The following CSMD1 variants were observed in gnomAD, a reference collection of about 807,000 sequenced individuals.
CSMD1 encodes the protein CUB and Sushi multiple domains 1, also known as CUB and sushi domain-containing protein 1.
A neutral mutation model predicts 417.5 loss-of-function variants in CSMD1; 213 were observed. The observed-to-expected ratio is 0.51, with a 90% CI of 0.46 to 0.57. The LOEUF is 0.57. Among genes scored for constraint, CSMD1 ranks in the 20% least tolerant of loss-of-function variants. CSMD1 has a pLI of 0.00. For missense variants in CSMD1, 6,923 were observed against 4,529.7 expected, an observed-to-expected ratio of 1.53 and a Z score of -15.17; for synonymous variants, 2,862 against 1,736.8, an observed-to-expected ratio of 1.65 and a Z score of -16.11.
At chr8:4,790,899 T>A (rs903975910) in intron 1 of CSMD1, among the ~76,000 whole-genome samples, 1 of 152,072 alleles carries the variant, frequency 6.6e-6, no homozygotes, top group African/African-American at 2.4e-5. Flanking sequence ...ACATAGGAAA[T>A]ACCATTTTGG....
intron 3 of CSMD1, among the ~76,000 whole-genome samples, chr8:4,068,969 T>C (rs112624173): frequency 0.023 from 3,567 of 152,308 alleles, 156 homozygotes; most frequent in African/African-American, 0.082. Flanking sequence ...AGTTTTCTCC[T>C]TTGTTCAAAC....
intron 3 of CSMD1, among the ~76,000 whole-genome samples, chr8:4,329,490 G>T (rs548182173): frequency 2.0e-5 from 3 of 152,070 alleles, no homozygotes; most frequent in African/African-American, 7.2e-5. Context: ...ATTTCACCAC[G>T]TTGGCCAGGC....
intron 5 of CSMD1, among the ~76,000 whole-genome samples, chr8:3,953,575 T>C (rs1280475061): frequency 8.6e-5 from 13 of 152,024 alleles, no homozygotes. Context: ...GATAGATAAT[T>C]GGAGCTATTA....
intron 1 of CSMD1, among the ~76,000 whole-genome samples, chr8:4,755,468 C>T (rs1811607598): frequency 6.6e-6 from 1 of 152,066 alleles, no homozygotes. Context: ...TTTACTGTTT[C>T]TATGATTGAC....
chr8:3,258,319 A>C (rs942033722), intron 26 of CSMD1, among the ~76,000 whole-genome samples: 4 of 152,226 alleles, frequency 2.6e-5, no homozygotes, highest in African/African-American at 7.2e-5. Context: ...GAAGACATAC[A>C]TGTTGCCAAC....
intron 33 of CSMD1, among the ~76,000 whole-genome samples, chr8:3,191,956 C>T (rs1415428973): frequency 6.6e-6 from 1 of 152,120 alleles, no homozygotes; most frequent in Non-Finnish European, 1.5e-5. Context: ...TAAAATAACC[C>T]TTCTATCTTC....
intron 5 of CSMD1, among the ~76,000 whole-genome samples, chr8:3,842,279 T>A (rs1204598163): frequency 6.6e-6 from 1 of 152,154 alleles, no homozygotes; most frequent in Non-Finnish European, 1.5e-5. Flanking sequence ...AATCTTCTTA[T>A]GAGGTTCTTT....
intron 3 of CSMD1, among the ~76,000 whole-genome samples, chr8:4,381,392 G>C (rs372086090): frequency 8.5e-5 from 13 of 152,236 alleles, no homozygotes; most frequent in African/African-American, 3.1e-4. Flanking sequence ...GTAAGCAGGG[G>C]TGGAAAACCC....
chr8:3,790,085 T>C (rs1799653626), intron 5 of CSMD1, among the ~76,000 whole-genome samples: 1 of 152,212 alleles, frequency 6.6e-6, no homozygotes, highest in Admixed American at 6.5e-5. Context: ...AGGTCCATTA[T>C]ATGTCTATTA....
At chr8:4,069,677 A>G (rs1799444028) in intron 3 of CSMD1, among the ~76,000 whole-genome samples, 1 of 152,028 alleles carries the variant, frequency 6.6e-6, no homozygotes, top group African/African-American at 2.4e-5. Flanking sequence ...CTCCGACTGG[A>G]TTGCATTCTC....
At chr8:3,746,586 G>C (rs532243513) in intron 6 of CSMD1, among the ~76,000 whole-genome samples, 1 of 152,196 alleles carries the variant, frequency 6.6e-6, no homozygotes, top group Admixed American at 6.5e-5. Context: ...ATTAGTCTGC[G>C]TGGGATTTTT....
chr8:3,100,916 G>A (rs1815688778), intron 46 of CSMD1, among the ~76,000 whole-genome samples: 2 of 152,116 alleles, frequency 1.3e-5, no homozygotes, highest in Non-Finnish European at 2.9e-5. Context: ...CCCTTGTGAT[G>A]CCTGCTATTA....
At chr8:3,455,962 G>T (rs1444527220) in intron 12 of CSMD1, among the ~76,000 whole-genome samples, 2 of 152,202 alleles carry the variant, frequency 1.3e-5, no homozygotes, top group African/African-American at 4.8e-5. Context: ...GCTCCACCCA[G>T]TTCGAGCTTC....
intron 4 of CSMD1, among the ~76,000 whole-genome samples, chr8:4,001,802 G>C (rs1164912853): frequency 6.6e-6 from 1 of 151,938 alleles, no homozygotes; most frequent in East Asian, 1.9e-4. Flanking sequence ...GAAATTTAAG[G>C]GTAACTTTGT....
At chr8:4,349,925 C>A (rs566353777) in intron 3 of CSMD1, among the ~76,000 whole-genome samples, 5 of 151,032 alleles carry the variant, frequency 3.3e-5, no homozygotes, top group Admixed American at 2.0e-4. Context: ...GTGCTATGAC[C>A]TTTATACTGC....
chr8:3,588,444 G>A (rs1169963378), intron 8 of CSMD1, among the ~76,000 whole-genome samples: 1 of 152,038 alleles, frequency 6.6e-6, no homozygotes, highest in Non-Finnish European at 1.5e-5. Context: ...CTGAGGCACT[G>A]ATATTCAGTG....
intron 3 of CSMD1, among the ~76,000 whole-genome samples, chr8:4,094,467 A>G (rs994157644): frequency 6.6e-6 from 1 of 152,162 alleles, no homozygotes; most frequent in Non-Finnish European, 1.5e-5. Flanking sequence ...GAGGAATCGA[A>G]GATGATGCCT....
intron 3 of CSMD1, among the ~76,000 whole-genome samples, chr8:4,133,186 T>G (rs1803215251): frequency 6.6e-6 from 1 of 152,166 alleles, no homozygotes; most frequent in African/African-American, 2.4e-5. Flanking sequence ...TCTGCCCACC[T>G]CATCCTCCCA....
Position 4,814,217 on chromosome 8 carries a change from T to TGTGCGC in CSMD1, c.86-176660_86-176659insGCGCAC, listed in dbSNP as rs554603001. Among the ~76,000 whole-genome samples the TGTGCGC allele has an allele frequency of 3.3e-5, 5 of 151,204 alleles. No homozygotes were observed. In the East Asian group the frequency reaches 9.7e-4, roughly 29 times the overall value. On this transcript the variant is annotated intron_variant, in intron 1 of 69. Coordinates refer to ENST00000635120, the MANE Select transcript of CSMD1 (RefSeq NM_033225.6). Reference sequence around the variant, plus strand: ...GATTTTGTGTGTGTGTGTGTGTGTGTGCGTGTGCGTGTGCGCATGTGCGCG... The same window carrying TGTGCGC: ...GATTTTGTGTGTGTGTGTGTGTGTGTGTGCGCGCGTGTGCGTGTGCGCATGTGCGCG...
Sources: allele counts gnomAD v4.1 joint callset (sites outside exome capture counted in the v4.1 genomes callset), GRCh38; gene constraint gnomAD v4.1.1; transcripts MANE v1.5; gene names NCBI Gene and HGNC (gene_info 2026-07-23, HGNC 2026-07-21).